Variants in ZHX3 observed in about 807,000 individuals in gnomAD.
The protein encoded by ZHX3 is zinc fingers and homeoboxes protein 3.
A neutral mutation model predicts 64.5 loss-of-function variants in ZHX3; 20 were observed. The ratio of observed to expected loss-of-function variants is 0.31; its 90% CI spans 0.22 to 0.45. The LOEUF is 0.45. Among genes scored for constraint, ZHX3 ranks in the 20% least tolerant of loss-of-function variants. ZHX3 has a pLI of 1.00. For synonymous variants in ZHX3, 423 were observed against 461.6 expected (o/e 0.92, Z 1.07); for missense variants, 1,041 against 1,195.8 (o/e 0.87, Z 1.91).
At chr20:41,196,372 TTATATAAC>T (rs1326328661) in intron 3 of ZHX3, among the ~76,000 whole-genome samples, 2 of 66,828 alleles carry the variant, frequency 3.0e-5, no homozygotes, top group Non-Finnish European at 5.4e-5. Context: ...ATATATATAT[TTATATAAC>T]ATAAATATAT....
intron 3 of ZHX3, among the ~76,000 whole-genome samples, chr20:41,188,737 C>T (rs1322601431): frequency 6.6e-6 from 1 of 151,698 alleles, no homozygotes; most frequent in African/African-American, 2.4e-5. Flanking sequence ...TTGTTGAATT[C>T]CTTATATATT....
intron 3 of ZHX3, among the ~76,000 whole-genome samples, chr20:41,189,576 CTTT>C (rs886663554): frequency 2.0e-5 from 3 of 151,988 alleles, no homozygotes; most frequent in Non-Finnish European, 4.4e-5. Flanking sequence ...TCGTAAGTAT[CTTT>C]TTTTATTTTT....
intron 3 of ZHX3, among the ~76,000 whole-genome samples, chr20:41,198,506 C>T (rs1162930328): frequency 2.0e-5 from 3 of 149,748 alleles, no homozygotes; most frequent in Non-Finnish European, 3.0e-5. Context: ...CTTTTTTTCA[C>T]GACTTTAGAT....
At chr20:41,246,275 A>C (rs2041681862) in intron 2 of ZHX3, among the ~76,000 whole-genome samples, 1 of 152,222 alleles carries the variant, frequency 6.6e-6, no homozygotes, top group Non-Finnish European at 1.5e-5. Context: ...CATTTACTAA[A>C]ATTTACATTA....
At chr20:41,222,357 G>T (rs1457476616) in intron 2 of ZHX3, among the ~76,000 whole-genome samples, 2 of 152,186 alleles carry the variant, frequency 1.3e-5, no homozygotes, top group Non-Finnish European at 2.9e-5. Flanking sequence ...AACCTGGGAA[G>T]CTTTGTGAAA....
chr20:41,297,496 T>C (rs189284854), intron 1 of ZHX3, among the ~76,000 whole-genome samples: 3 of 152,308 alleles, frequency 2.0e-5, no homozygotes, highest in South Asian at 2.1e-4. Flanking sequence ...AGGGGAAACA[T>C]AGCAGCCTCG....
chr20:41,217,747 T>C (rs1173376732), intron 2 of ZHX3, among the ~76,000 whole-genome samples: 3 of 152,220 alleles, frequency 2.0e-5, no homozygotes, highest in Non-Finnish European at 2.9e-5. Flanking sequence ...TTGGTTATTA[T>C]TGGCCTTCCC....
intron 1 of ZHX3, among the ~76,000 whole-genome samples, chr20:41,312,130 T>C (rs934503404): frequency 6.6e-6 from 1 of 152,066 alleles, no homozygotes; most frequent in African/African-American, 2.4e-5. Flanking sequence ...TACAGGAGGA[T>C]TGTAATATGC....
intron 2 of ZHX3, among the ~76,000 whole-genome samples, chr20:41,235,769 A>T (rs1437473776): frequency 6.6e-6 from 1 of 152,230 alleles, no homozygotes; most frequent in African/African-American, 2.4e-5. Context: ...AGTTCTGGCC[A>T]GGGCAATCAG....
chr20:41,209,199 C>T (rs1255651407), intron 2 of ZHX3, among the ~76,000 whole-genome samples: 1 of 152,140 alleles, frequency 6.6e-6, no homozygotes, highest in Non-Finnish European at 1.5e-5. Context: ...AGGACACAAA[C>T]AAATGGAAGA....
chr20:41,316,715 T>A (rs912853216), intron 1 of ZHX3: 2 of 152,192 alleles, frequency 1.3e-5, no homozygotes, highest in African/African-American at 4.8e-5. Flanking sequence ...CTCAGAAATG[T>A]AAACCATGCA....
At chr20:41,207,834 T>A (rs964500973) in intron 2 of ZHX3, among the ~76,000 whole-genome samples, 1 of 151,780 alleles carries the variant, frequency 6.6e-6, no homozygotes, top group Non-Finnish European at 1.5e-5. Flanking sequence ...AGGCAAGAAA[T>A]AACTAAGATC....
chr20:41,306,439 G>T (rs1429816079), intron 1 of ZHX3, among the ~76,000 whole-genome samples: 1 of 152,148 alleles, frequency 6.6e-6, no homozygotes, highest in Non-Finnish European at 1.5e-5. Flanking sequence ...GCAAAAGTGG[G>T]ACTAGACACC....
intron 1 of ZHX3, among the ~76,000 whole-genome samples, chr20:41,301,638 T>G (rs934253007): frequency 2.0e-5 from 3 of 152,082 alleles, no homozygotes; most frequent in Non-Finnish European, 2.9e-5. Context: ...CCCTCCTGTG[T>G]TTGCACAGGT....
In ZHX3 at chr20:41,297,847, C is replaced by T. The variant is rs1245368997; in HGVS notation, c.-245+19662G>A. ...AAGGCGAGTTAAAGGAAACACCCCT[C>T]AGTTGAGTCCTAGCCCACCATAATG... On this transcript the variant is annotated intron_variant, in intron 1 of 3. Transcript: ENST00000683867. Among the ~76,000 whole-genome samples, 5 of 152,346 alleles carry T rather than the reference C, an allele frequency of 3.3e-5. No homozygotes were observed. In the East Asian group the frequency reaches 9.6e-4, roughly 29 times the overall value.
intron 2 of ZHX3, among the ~76,000 whole-genome samples, chr20:41,223,392 G>A (rs964272538): frequency 2.0e-5 from 3 of 152,144 alleles, no homozygotes; most frequent in Non-Finnish European, 2.9e-5. Context: ...TAATGGCAAA[G>A]GACTGGAAAT....
chr20:41,266,646 C>T (rs1201591862), intron 2 of ZHX3, among the ~76,000 whole-genome samples: 3 of 150,502 alleles, frequency 2.0e-5, no homozygotes, highest in Admixed American at 6.6e-5. Flanking sequence ...CCCAGGTTCA[C>T]GCCATTCTCC....
intron 2 of ZHX3, among the ~76,000 whole-genome samples, chr20:41,221,841 C>T (rs2039962921): frequency 6.6e-6 from 1 of 152,206 alleles, no homozygotes; most frequent in African/African-American, 2.4e-5. Context: ...ATGTGCCTGA[C>T]ATGTTCAAAG....
At chr20:41,209,391 A>C (rs2038982784) in intron 2 of ZHX3, among the ~76,000 whole-genome samples, 1 of 152,242 alleles carries the variant, frequency 6.6e-6, no homozygotes, top group Non-Finnish European at 1.5e-5. Context: ...AGACTATCCT[A>C]AGTCAAAAGA....
Sources: allele counts gnomAD v4.1 joint callset (sites outside exome capture counted in the v4.1 genomes callset), GRCh38; gene constraint gnomAD v4.1.1; transcripts MANE v1.5; gene names NCBI Gene and HGNC (gene_info 2026-07-23, HGNC 2026-07-21).